CCSER1: variants seen among roughly 807,000 people sequenced by gnomAD.
CCSER1 encodes the protein serine-rich coiled-coil domain-containing protein 1.
Under a neutral mutation model 82.0 loss-of-function variants are expected in CCSER1, and 41 were observed. That is an observed-to-expected ratio of 0.50 (90% CI 0.39 to 0.65). The LOEUF is 0.65. CCSER1 is among the 30% of genes least tolerant of loss of function. The probability of loss-of-function intolerance (pLI) is 0.00; values close to 1 mark genes in which losing one functional copy is unlikely to be tolerated. For synonymous variants in CCSER1, 414 were observed against 383.9 expected (o/e 1.08, Z -0.92); for missense variants, 1,119 against 1,064.2 (o/e 1.05, Z -0.72).
chr4:90,407,250 C>G (rs772072245), intron 4 of CCSER1, among the ~76,000 whole-genome samples: 1 of 152,100 alleles, frequency 6.6e-6, no homozygotes, highest in Non-Finnish European at 1.5e-5. Flanking sequence ...CACACATAAA[C>G]TAGTGGAGAT....
In CCSER1 at chr4:91,192,165, C is replaced by A. The variant is rs574345157; in HGVS notation, c.2217+106171C>A. ...CTTTCTCTCCTGAATCTTTTCCTAC[C>A]TCTGACTACTGCCTTCCAGTTTTAT... On this transcript the variant is annotated intron_variant, in intron 10 of 10. Transcript: ENST00000509176. 1.2e-3 allele frequency among the ~76,000 whole-genome samples: 185 copies of A among 152,270 alleles called. 1 individual carries two copies. The highest frequency in any genetic ancestry group is 4.2e-3 in the African/African-American group (176 of 41,552).
At chr4:90,768,280 G>A (rs1164196487) in intron 7 of CCSER1, among the ~76,000 whole-genome samples, 1 of 152,100 alleles carries the variant, frequency 6.6e-6, no homozygotes, top group Non-Finnish European at 1.5e-5. Flanking sequence ...GTAAGTAGAT[G>A]CAATCTTTGA....
intron 8 of CCSER1, among the ~76,000 whole-genome samples, chr4:90,842,917 C>CA (rs1762750928): frequency 6.6e-6 from 1 of 152,086 alleles, no homozygotes; most frequent in South Asian, 2.1e-4. Flanking sequence ...AGTCAATACT[C>CA]AAAAAACATG....
intron 9 of CCSER1, among the ~76,000 whole-genome samples, chr4:91,063,936 A>T (rs1234754945): frequency 6.6e-6 from 1 of 152,184 alleles, no homozygotes; most frequent in African/African-American, 2.4e-5. Context: ...TAAGTTGATC[A>T]TAAAATCCTG....
At chr4:90,520,638 A>T (rs1166801472) in intron 5 of CCSER1, among the ~76,000 whole-genome samples, 2 of 152,238 alleles carry the variant, frequency 1.3e-5, no homozygotes, top group South Asian at 2.1e-4. Flanking sequence ...TTTAACATTA[A>T]AAGAAAACCT....
intron 8 of CCSER1, among the ~76,000 whole-genome samples, chr4:90,866,777 A>G (rs1765778852): frequency 6.6e-6 from 1 of 151,994 alleles, no homozygotes; most frequent in African/African-American, 2.4e-5. Context: ...TTTTTCATGT[A>G]TCGGGGGTGG....
chr4:90,658,264 C>CT (rs1274462783), intron 6 of CCSER1, among the ~76,000 whole-genome samples: 1 of 152,122 alleles, frequency 6.6e-6, no homozygotes, highest in Non-Finnish European at 1.5e-5. Flanking sequence ...ATTTGAGGCT[C>CT]TAACATTATT....
At chr4:90,477,972 T>C (rs759645850) in intron 5 of CCSER1, among the ~76,000 whole-genome samples, 1 of 152,106 alleles carries the variant, frequency 6.6e-6, no homozygotes, top group African/African-American at 2.4e-5. Context: ...GTCATCAGTA[T>C]TGAAAAGAAA....
intron 10 of CCSER1, among the ~76,000 whole-genome samples, chr4:91,406,130 T>G (rs1371909312): frequency 1.3e-5 from 2 of 152,096 alleles, no homozygotes; most frequent in Non-Finnish European, 2.9e-5. Flanking sequence ...AACATGAAAT[T>G]GCATAATAAG....
intron 10 of CCSER1, among the ~76,000 whole-genome samples, chr4:91,474,889 A>G (rs1006837043): frequency 2.0e-5 from 3 of 150,950 alleles, no homozygotes; most frequent in African/African-American, 7.3e-5. Context: ...AACATGACTC[A>G]GTGTAAAACT....
intron 10 of CCSER1, among the ~76,000 whole-genome samples, chr4:91,257,804 C>T (rs13151372): frequency 0.22 from 33,657 of 151,890 alleles, 4,334 homozygotes; most frequent in African/African-American, 0.35. Flanking sequence ...ATGTTTCTTC[C>T]ACATGAGCTA....
intron 9 of CCSER1, among the ~76,000 whole-genome samples, chr4:90,950,068 A>G (rs1287131856): frequency 6.6e-6 from 1 of 152,128 alleles, no homozygotes. Flanking sequence ...AAAAGGGAGG[A>G]ATGCTTTTGT....
intron 9 of CCSER1, among the ~76,000 whole-genome samples, chr4:91,019,729 A>G (rs1459944074): frequency 6.6e-6 from 1 of 152,196 alleles, no homozygotes; most frequent in Non-Finnish European, 1.5e-5. Flanking sequence ...TTTAGAAGCG[A>G]ATTACATGAA....
intron 3 of CCSER1, among the ~76,000 whole-genome samples, chr4:90,336,769 A>G (rs1049511789): frequency 6.6e-6 from 1 of 152,196 alleles, no homozygotes; most frequent in Non-Finnish European, 1.5e-5. Context: ...AGTGAATCCA[A>G]TATGTAAAAA....
chr4:90,821,154 A>T (rs1759675564), intron 8 of CCSER1, among the ~76,000 whole-genome samples: 1 of 152,162 alleles, frequency 6.6e-6, no homozygotes, highest in Non-Finnish European at 1.5e-5. Flanking sequence ...TTACAGTATC[A>T]TTTCAATCAA....
intron 9 of CCSER1, among the ~76,000 whole-genome samples, chr4:90,926,716 G>A (rs1729111448): frequency 6.6e-6 from 1 of 151,962 alleles, no homozygotes; most frequent in African/African-American, 2.4e-5. Context: ...TAGTTTTTGT[G>A]ATGAGGGAGA....
intron 7 of CCSER1, among the ~76,000 whole-genome samples, chr4:90,797,076 G>A (rs1236771634): frequency 6.6e-6 from 1 of 152,128 alleles, no homozygotes; most frequent in African/African-American, 2.4e-5. Flanking sequence ...AATATTGTCA[G>A]TGGGATGTTA....
chr4:91,222,293 T>A (rs1165405078), intron 10 of CCSER1, among the ~76,000 whole-genome samples: 1 of 151,728 alleles, frequency 6.6e-6, no homozygotes, highest in Non-Finnish European at 1.5e-5. Flanking sequence ...GTAGTAGGCA[T>A]CCAACAGCCA....
chr4:90,219,163 A>T (rs1741661357), intron 1 of CCSER1, among the ~76,000 whole-genome samples: 1 of 152,218 alleles, frequency 6.6e-6, no homozygotes, highest in Non-Finnish European at 1.5e-5. Context: ...TAATGGTAAC[A>T]TGAATTAGAA....
Sources: allele counts gnomAD v4.1 joint callset (sites outside exome capture counted in the v4.1 genomes callset), GRCh38; gene constraint gnomAD v4.1.1; transcripts MANE v1.5; gene names NCBI Gene and HGNC (gene_info 2026-07-23, HGNC 2026-07-21).